Variants in INO80 observed in about 807,000 individuals in gnomAD.
The protein encoded by INO80 is chromatin-remodeling ATPase INO80.
A neutral mutation model predicts 203.4 loss-of-function variants in INO80; 20 were observed. The ratio of observed to expected loss-of-function variants is 0.10; its 90% CI spans 0.07 to 0.14. INO80 has a LOEUF of 0.14. Among genes scored for constraint, INO80 ranks in the 10% least tolerant of loss-of-function variants. The pLI, the probability that INO80 is intolerant of heterozygous loss-of-function variation, is 1.00. For missense variants in INO80, 1,419 were observed against 1,914.4 expected, an observed-to-expected ratio of 0.74 and a Z score of 4.83; for synonymous variants, 726 against 685.2, an observed-to-expected ratio of 1.06 and a Z score of -0.93.
rs1200482327 is a variant in INO80, at chr15:40,979,518, C to T, written c.*705G>A. On this transcript the variant is annotated 3_prime_UTR_variant, in exon 36 of 36. Coordinates refer to ENST00000648947, the MANE Select transcript of INO80 (RefSeq NM_017553.3). ...TGCTGATTGAGGTGGCTCCTGGTCT[C>T]TCTACTGGCTTCTGGGAGTCCCCTG... is the stretch of plus-strand genomic sequence containing the variant. 6.5e-6 allele frequency: 1 copy of T among 153,632 alleles called. No homozygotes were observed. Among genetic ancestry groups the T allele is most frequent in the African/African-American group, 2.4e-5 (1 of 41,436 alleles). The allele number at this position is 153,632 out of a possible 1,614,324, so 9.5% of individuals were successfully genotyped here. A position where few individuals can be genotyped will look rare whatever the true frequency, so the allele number is the denominator to read the frequency against.
intron 25 of INO80, among the ~76,000 whole-genome samples, chr15:41,025,984 G>C (rs1351325234): frequency 6.6e-6 from 1 of 152,116 alleles, no homozygotes; most frequent in Admixed American, 6.5e-5. Context: ...GAATACTTTG[G>C]AAGAACAGGA....
intron 21 of INO80, 72 bp downstream of exon 21, chr15:41,049,215 A>G: frequency 7.6e-7 from 1 of 1,314,676 alleles, no homozygotes; most frequent in South Asian, 1.5e-5. Context: ...CTCTCCACTA[A>G]ATTTATCTAC....
At chr15:41,010,401 TA>T (rs1365143039) in intron 27 of INO80, among the ~76,000 whole-genome samples, 1 of 152,190 alleles carries the variant, frequency 6.6e-6, no homozygotes, top group Non-Finnish European at 1.5e-5. Flanking sequence ...ACCTCCTTTT[TA>T]AATTTTTTTT....
chr15:41,084,243 T>C (rs933508783), intron 7 of INO80, among the ~76,000 whole-genome samples: 3 of 150,568 alleles, frequency 2.0e-5, no homozygotes, highest in Non-Finnish European at 4.4e-5. Context: ...TTTGCAACTA[T>C]TAATTTTGAA....
rs758608220 is a variant in INO80, at chr15:41,016,206, C to G, written c.3284G>C (p.Ser1095Thr). 3.1e-6 allele frequency: 5 copies of G among 1,613,314 alleles called. No homozygotes were observed. In the Admixed American group the frequency reaches 8.3e-5, roughly 27 times the overall value. ...WSFIRIPGKESLITDSGKLYA... is the reference protein window; with the variant it reads ...WSFIRIPGKETLITDSGKLYA... ...CAGCTTTCCACTGTCAGTGATGAGG[C>G]TCTCCTTGCCTGGGGAGAAGAAAAG... The change falls in exon 27 of 36, where the codon AGC (serine) becomes ACC (threonine). Residue 1095 changes from serine to threonine, a missense_variant. Transcript: ENST00000648947.
chr15:41,024,029 G>A (rs992041146), intron 25 of INO80, among the ~76,000 whole-genome samples: 2 of 152,022 alleles, frequency 1.3e-5, no homozygotes, highest in Non-Finnish European at 2.9e-5. Context: ...TTTTCTGCCT[G>A]GGATTCATTT....
intron 21 of INO80, among the ~76,000 whole-genome samples, chr15:41,048,563 C>G (rs1013378257): frequency 6.6e-6 from 1 of 152,136 alleles, no homozygotes; most frequent in Non-Finnish European, 1.5e-5. Flanking sequence ...AAACAAAAGG[C>G]AATACAGCTC....
chr15:41,093,391 C>T (rs1021774510), intron 4 of INO80, among the ~76,000 whole-genome samples: 1 of 151,964 alleles, frequency 6.6e-6, no homozygotes, highest in Non-Finnish European at 1.5e-5. Context: ...CGCCACTGCA[C>T]TACAGCCTGG....
At chr15:41,077,567 G>GC (rs899813526) in intron 9 of INO80, among the ~76,000 whole-genome samples, 28 of 152,104 alleles carry the variant, frequency 1.8e-4, no homozygotes, top group African/African-American at 6.3e-4. Flanking sequence ...GAAAATCTTT[G>GC]TTTTTTTCTG....
At chr15:41,103,958 G>A (rs1222976565) in intron 1 of INO80, among the ~76,000 whole-genome samples, 2 of 151,922 alleles carry the variant, frequency 1.3e-5, no homozygotes, top group Non-Finnish European at 2.9e-5. Context: ...GCTCACGCCT[G>A]TAATCCCAGC....
intron 27 of INO80, among the ~76,000 whole-genome samples, chr15:41,012,117 A>G (rs1424999652): frequency 6.6e-6 from 1 of 152,238 alleles, no homozygotes; most frequent in African/African-American, 2.4e-5. Context: ...GTCATCTGTA[A>G]TAAGTTAAAA....
intron 17 of INO80, 130 bp downstream of exon 17, chr15:41,056,492 G>A: frequency 2.9e-6 from 2 of 696,284 alleles, no homozygotes; most frequent in Admixed American, 2.6e-5. Flanking sequence ...CTTGGGGCAA[G>A]TCTTTTATGT....
chr15:41,099,766 AG>A (rs896231817), intron 1 of INO80, among the ~76,000 whole-genome samples: 13 of 150,210 alleles, frequency 8.7e-5, no homozygotes, highest in African/African-American at 3.0e-4. Context: ...TGCATAACAG[AG>A]TGAGACTATC....
chr15:41,047,726 A>G (rs1329211776), intron 22 of INO80, among the ~76,000 whole-genome samples: 1 of 152,234 alleles, frequency 6.6e-6, no homozygotes, highest in East Asian at 1.9e-4. Context: ...CAGACTAGAG[A>G]TGGCTCCTAC....
At chr15:41,079,052 T>A (rs182459058) in intron 9 of INO80, among the ~76,000 whole-genome samples, 2 of 152,084 alleles carry the variant, frequency 1.3e-5, no homozygotes, top group African/African-American at 4.8e-5. Flanking sequence ...TGAGGCAGAA[T>A]TGCTTGAATG....
chr15:41,072,842 A>G (rs1281725888), intron 11 of INO80, among the ~76,000 whole-genome samples: 2 of 150,766 alleles, frequency 1.3e-5, no homozygotes, highest in Non-Finnish European at 3.0e-5. Flanking sequence ...GTGCAGTGGC[A>G]CAATCTCGGC....
intron 1 of INO80, among the ~76,000 whole-genome samples, chr15:41,097,937 G>A (rs2045749473): frequency 1.3e-5 from 2 of 152,106 alleles, no homozygotes; most frequent in Non-Finnish European, 2.9e-5. Flanking sequence ...TGGGCAACGA[G>A]AGCAAAACCC....
At chr15:41,094,687 C>T (rs1218023124) in intron 4 of INO80, among the ~76,000 whole-genome samples, 3 of 152,118 alleles carry the variant, frequency 2.0e-5, no homozygotes, top group African/African-American at 7.2e-5. Context: ...GATTATGTGA[C>T]CCAATGAGTG....
At chr15:41,062,470 T>C (rs768566646) in intron 14 of INO80, among the ~76,000 whole-genome samples, 2 of 152,016 alleles carry the variant, frequency 1.3e-5, no homozygotes, top group Non-Finnish European at 2.9e-5. Context: ...GGCGCAGAGG[T>C]TGCAGTGAGT....
Sources: allele counts gnomAD v4.1 joint callset (sites outside exome capture counted in the v4.1 genomes callset), GRCh38; gene constraint gnomAD v4.1.1; transcripts MANE v1.5; gene names NCBI Gene and HGNC (gene_info 2026-07-23, HGNC 2026-07-21).